Variants in TGIF2 observed in about 807,000 individuals in gnomAD.
The protein encoded by TGIF2 is TGFB induced factor homeobox 2.
A neutral mutation model predicts 15.1 loss-of-function variants in TGIF2; 5 were observed. That is an observed-to-expected ratio of 0.33 (90% CI 0.17 to 0.70). The LOEUF (loss-of-function observed/expected upper bound fraction) is 0.70, where lower values mean the gene tolerates loss of function less well. Ranked by LOEUF, TGIF2 falls within the 30% of genes least tolerant of loss-of-function variation. The pLI is 0.67. For synonymous variants in TGIF2, 131 were observed against 128.9 expected, an observed-to-expected ratio of 1.02 and a Z score of -0.11; for missense variants, 264 against 302.5, an observed-to-expected ratio of 0.87 and a Z score of 0.94.
chr20:36,575,815 G>C (rs1171559537), intron 1 of TGIF2, among the ~76,000 whole-genome samples: 1 of 152,168 alleles, frequency 6.6e-6, no homozygotes, highest in Non-Finnish European at 1.5e-5. Context: ...AAATCTGGCT[G>C]GGCGGGGTGG....
intron 2 of TGIF2, among the ~76,000 whole-genome samples, chr20:36,582,119 C>T (rs1424220718): frequency 1.3e-5 from 2 of 152,106 alleles, no homozygotes; most frequent in African/African-American, 2.4e-5. Context: ...CCTGTACTCT[C>T]AGCTACTCAG....
chr20:36,586,004 G>GC (rs2038650624), intron 2 of TGIF2, among the ~76,000 whole-genome samples: 1 of 152,172 alleles, frequency 6.6e-6, no homozygotes, highest in South Asian at 2.1e-4. Context: ...CCTGGCGAGG[G>GC]CTGTTGGGTG....
intron 2 of TGIF2, among the ~76,000 whole-genome samples, chr20:36,580,706 G>A (rs1368442485): frequency 2.0e-5 from 3 of 151,300 alleles, no homozygotes; most frequent in Non-Finnish European, 4.4e-5. Flanking sequence ...GCTACTTGGG[G>A]GGCTGAAGTG....
At chr20:36,576,443 G>A (rs1203108082) in intron 1 of TGIF2, among the ~76,000 whole-genome samples, 2 of 152,290 alleles carry the variant, frequency 1.3e-5, no homozygotes, top group East Asian at 3.9e-4. Context: ...TTGGACTGCT[G>A]CAGGATCATG....
intron 2 of TGIF2, among the ~76,000 whole-genome samples, chr20:36,589,499 TCTC>T (rs948496227): frequency 2.0e-5 from 3 of 151,938 alleles, no homozygotes; most frequent in African/African-American, 7.3e-5. Context: ...TTCAAGCAGT[TCTC>T]CTGCCTCAGC....
At chr20:36,584,220 T>G (rs1326099238) in intron 2 of TGIF2, among the ~76,000 whole-genome samples, 1 of 152,134 alleles carries the variant, frequency 6.6e-6, no homozygotes, top group Non-Finnish European at 1.5e-5. Flanking sequence ...ACCAGGAGGC[T>G]CCCAGTCCCT....
At chr20:36,574,746 G>A (rs1207105192) in intron 1 of TGIF2, 2 of 152,266 alleles carry the variant, frequency 1.3e-5, no homozygotes, top group Non-Finnish European at 2.9e-5. Flanking sequence ...CAAGCGCCCC[G>A]AGCGCCGGAC....
intron 2 of TGIF2, among the ~76,000 whole-genome samples, chr20:36,585,065 C>G (rs1600777200): frequency 1.3e-5 from 2 of 152,076 alleles, no homozygotes; most frequent in South Asian, 4.1e-4. Context: ...GGCATGGTGG[C>G]GCATGCTTGT....
chr20:36,574,204 G>A (rs1386584069), intron 1 of TGIF2, among the ~76,000 whole-genome samples: 10 of 151,972 alleles, frequency 6.6e-5, no homozygotes, highest in Admixed American at 3.3e-4. Flanking sequence ...GAGCGGGGGG[G>A]CCCTGGGGAG....
intron 2 of TGIF2, among the ~76,000 whole-genome samples, chr20:36,585,454 G>A (rs1375584377): frequency 7.1e-6 from 1 of 141,448 alleles, no homozygotes; most frequent in Non-Finnish European, 1.5e-5. Flanking sequence ...TACAGAACGG[G>A]ACTCTGTCTT....
In TGIF2 at chr20:36,593,122, G is replaced by A. The variant is rs2038795982; in HGVS notation, c.*1691G>A. On this transcript the variant is annotated 3_prime_UTR_variant, in exon 3 of 3. Transcript: ENST00000373872. ...TATGCCCCATCTTTATATATCCTAA[G>A]AAACACTAATCCTAGGTTATTGCTA... 6.6e-6 allele frequency: 1 copy of A among 152,528 alleles called. No homozygotes were observed. The highest frequency in any genetic ancestry group is 1.5e-5 in the Non-Finnish European group (1 of 68,014). 9.4% of individuals were successfully genotyped at this position (152,528 alleles called of 1,614,324 possible). A position where few individuals can be genotyped will look rare whatever the true frequency, so the allele number is the denominator to read the frequency against.
intron 1 of TGIF2, among the ~76,000 whole-genome samples, chr20:36,577,962 A>G (rs1270703716): frequency 6.6e-6 from 1 of 152,056 alleles, no homozygotes; most frequent in African/African-American, 2.4e-5. Context: ...ACAGCATGAC[A>G]CCTGGCTTAT....
At position 36,586,650 on chromosome 20, in the gene TGIF2, G is replaced by A. The variant is rs374829978; in HGVS notation, c.193-4260G>A. Among the ~76,000 whole-genome samples, 210 of 149,996 alleles carry A rather than the reference G, an allele frequency of 1.4e-3. 1 individual carries two copies. Among genetic ancestry groups the A allele is most frequent in the African/African-American group, 3.9e-3 (158 of 40,732 alleles). The stretch of plus-strand genomic sequence containing the variant: ...GCGGAGGTTGCAGTGAACTGAGATC[G>A]CACCATTGCACTCCAGCCTGGGCAA... On this transcript the variant is annotated intron_variant, in intron 2 of 2. Coordinates refer to ENST00000373872, the MANE Select transcript of TGIF2 (RefSeq NM_021809.7).
At chr20:36,586,606 A>G (rs1361186548) in intron 2 of TGIF2, among the ~76,000 whole-genome samples, 2 of 151,892 alleles carry the variant, frequency 1.3e-5, no homozygotes, top group Non-Finnish European at 2.9e-5. Flanking sequence ...GAGGCAGGAG[A>G]ACTGCTTGAA....
chr20:36,578,963 G>A lies in TGIF2; in HGVS notation c.189G>A (p.Leu63=), dbSNP rs1043914606. 1 of 1,613,420 alleles carries A rather than the reference G, an allele frequency of 6.2e-7. No individual in the cohort carries two copies. Among genetic ancestry groups the A allele is most frequent in the South Asian group, 1.1e-5 (1 of 91,038 alleles). The change falls in exon 2 of 3, where the codon CTG becomes CTA. Residue 63 remains leucine, a synonymous_variant. Transcript: ENST00000373872. ...CTGGACAGACCAACCTGTCAGTGCT[G>A]CAAGTAAGGAGGGGATCTGGATAAG... The part of the protein sequence containing the change: ...SLSGQTNLSV[L]QICNWFINAR...
intron 2 of TGIF2, among the ~76,000 whole-genome samples, chr20:36,580,636 A>ACC (rs2038524709): frequency 6.6e-6 from 1 of 150,518 alleles, no homozygotes; most frequent in Non-Finnish European, 1.5e-5. Flanking sequence ...ACATAGGGAG[A>ACC]CCCCATCTGT....
At chr20:36,578,102 A>T (rs2038469121) in intron 1 of TGIF2, among the ~76,000 whole-genome samples, 1 of 152,184 alleles carries the variant, frequency 6.6e-6, no homozygotes, top group South Asian at 2.1e-4. Flanking sequence ...TAATGATTAA[A>T]TGAGATAACA....
chr20:36,587,662 G>C (rs1278050716), intron 2 of TGIF2, among the ~76,000 whole-genome samples: 2 of 152,156 alleles, frequency 1.3e-5, no homozygotes, highest in Non-Finnish European at 2.9e-5. Flanking sequence ...TTTTGCACTT[G>C]TGACCTTCAA....
At chr20:36,580,344 A>G (rs1223543958) in intron 2 of TGIF2, among the ~76,000 whole-genome samples, 3 of 152,154 alleles carry the variant, frequency 2.0e-5, no homozygotes, top group African/African-American at 7.2e-5. Flanking sequence ...TGTATGAGAA[A>G]GGCTCTAAAG....
Sources: gnomAD v4.1 joint callset for allele counts (sites outside exome capture counted in the v4.1 genomes callset) on GRCh38, gnomAD v4.1.1 for gene constraint, MANE v1.5 for transcripts, NCBI Gene and HGNC (gene_info 2026-07-23, HGNC 2026-07-21) for gene names.